Variants in TXNRD2 observed in about 807,000 individuals in gnomAD.
TXNRD2 encodes thioredoxin reductase 2, mitochondrial.
In TXNRD2, 67 loss-of-function variants were observed where a neutral mutation model predicts 70.8. The observed-to-expected ratio is 0.95, with a 90% CI of 0.78 to 1.16. TXNRD2 has a LOEUF of 1.16. Among genes scored for constraint, TXNRD2 ranks in the 50% most tolerant of loss-of-function variants. TXNRD2 has a pLI of 0.00. For synonymous variants in TXNRD2, 301 were observed against 295.8 expected (o/e 1.02, Z -0.18); for missense variants, 644 against 719.9 (o/e 0.89, Z 1.21).
chr22:19,918,931 T>G lies in TXNRD2; in HGVS notation c.303A>C (p.Ala101=), dbSNP rs200076623. 6.2e-7 allele frequency: 1 copy of G among 1,612,990 alleles called. No individual in the cohort carries two copies. The highest frequency in any genetic ancestry group is 8.5e-7 in the Non-Finnish European group (1 of 1,179,946). ...CATCTTGGATCAGGCCTCCCAGCAGTGCCGCCTGGTGCATCAGCTTCTTGG... is the reference window on the plus strand; with the variant it reads ...CATCTTGGATCAGGCCTCCCAGCAGGGCCGCCTGGTGCATCAGCTTCTTGG... ...CIPKKLMHQA[A]LLGGLIQDAP... Residue 101 remains alanine (A), a synonymous_variant, in exon 4 of 18, where the codon GCA becomes GCC. Coordinates refer to ENST00000400521, the MANE Select transcript of TXNRD2 (RefSeq NM_006440.5).
intron 1 of TXNRD2, chr22:19,932,471 C>T: frequency 6.3e-7 from 1 of 1,597,030 alleles, no homozygotes; most frequent in Non-Finnish European, 8.5e-7. Context: ...AGGCAAGGGG[C>T]AGCCAAAAAA....
intron 11 of TXNRD2, chr22:19,894,094 T>C (rs1432636485): frequency 2.0e-5 from 3 of 152,202 alleles, no homozygotes; most frequent in Non-Finnish European, 4.4e-5. Context: ...GCTACACAAA[T>C]GCTAACTCTA....
chr22:19,927,520 T>C, intron 2 of TXNRD2, among the ~76,000 whole-genome samples: 1 of 148,810 alleles, frequency 6.7e-6, no homozygotes, highest in East Asian at 2.0e-4. Context: ...TAGCTGGGCA[T>C]GGTGGCGCCT....
Position 19,880,232 on chromosome 22 carries a change from C to G in TXNRD2, c.1222G>C (p.Val408Leu). The G allele has an allele frequency of 6.2e-7, 1 of 1,613,838 alleles. No individual in the cohort carries two copies. The highest frequency in any genetic ancestry group is 8.5e-7 in the Non-Finnish European group (1 of 1,180,026). Residue 408 changes from valine (V) to leucine (L), a missense_variant, in exon 14 of 18, where the codon GTG becomes CTG. Physicochemically the swap from Val to Leu is conservative, Grantham distance 32 (BLOSUM62 1). Transcript: ENST00000400521. ...TVFTPLEYGC[V>L]GLSEEEAVAR... ...ACTGCCTCCTCCTCGGACAGCCCCA[C>G]ACAGCCATACTCCAGCGGGGTGAAG... is the stretch of plus-strand genomic sequence containing the variant.
At chr22:19,900,076 C>T (rs2145982197) in intron 8 of TXNRD2, among the ~76,000 whole-genome samples, 1 of 152,336 alleles carries the variant, frequency 6.6e-6, no homozygotes, top group South Asian at 2.1e-4. Context: ...CTGCAGGTGC[C>T]CTGCGGGAAG....
Position 19,895,444 on chromosome 22 carries a change from C to T in TXNRD2, c.912G>A (p.Glu304=), listed in dbSNP as rs751531927. 1.9e-6 allele frequency: 3 copies of T among 1,614,026 alleles called. No individual in the cohort carries two copies. The South Asian group carries it at 3.3e-5, about 18-fold the overall frequency. Residue 304 remains glutamate, a synonymous_variant, in exon 11 of 18, where the codon GAG becomes GAA. Coordinates refer to ENST00000400521, the MANE Select transcript of TXNRD2 (RefSeq NM_006440.5). ...VTWEDSTTGK[E]DTGTFDTVLW... Reference sequence around the variant, plus strand: ...GGACGGTGTCAAAGGTGCCCGTGTCCTCCTTGCCGGTGGTGCTGTCCTCCC... The same window carrying T: ...GGACGGTGTCAAAGGTGCCCGTGTCTTCCTTGCCGGTGGTGCTGTCCTCCC...
chr22:19,900,919 G>A (rs1364934970), intron 8 of TXNRD2, among the ~76,000 whole-genome samples: 2 of 152,228 alleles, frequency 1.3e-5, no homozygotes, highest in Non-Finnish European at 2.9e-5. Flanking sequence ...GATGCTTCCT[G>A]CTGGGCTGTG....
In TXNRD2 at chr22:19,915,221, G is replaced by T; in HGVS notation, c.584C>A (p.Pro195His). ...IIATGGRPRY[P>H]THIEGALEYG... The stretch of plus-strand genomic sequence containing the variant: ...TGCTCTGGGGACACTCACGTGCGTG[G>T]GGTATCTCGGCCGCCCTCCAGTAGC... The change falls in exon 7 of 18, where the codon CCC (proline) becomes CAC (histidine). Residue 195 changes from proline (P) to histidine (H), a missense_variant. Pro to His is a moderately conservative substitution (Grantham distance 77). Coordinates refer to ENST00000400521, the MANE Select transcript of TXNRD2 (RefSeq NM_006440.5). 1 of 1,613,824 alleles carries T rather than the reference G, an allele frequency of 6.2e-7. No homozygotes were observed. The highest frequency in any genetic ancestry group is 2.2e-5 in the East Asian group (1 of 44,872).
chr22:19,925,756 C>A (rs1247910064), intron 2 of TXNRD2, among the ~76,000 whole-genome samples: 1 of 151,870 alleles, frequency 6.6e-6, no homozygotes, highest in Non-Finnish European at 1.5e-5. Flanking sequence ...AGGTGTAAAT[C>A]TTTGTGATCT....
chr22:19,882,451 G>C (rs989158219), intron 12 of TXNRD2, among the ~76,000 whole-genome samples: 2 of 151,972 alleles, frequency 1.3e-5, no homozygotes, highest in African/African-American at 4.8e-5. Context: ...TGCCTGCCTC[G>C]GAGTCCCAAA....
chr22:19,889,461 A>C (rs1224705182), intron 11 of TXNRD2, among the ~76,000 whole-genome samples: 2 of 152,080 alleles, frequency 1.3e-5, no homozygotes, highest in African/African-American at 2.4e-5. Context: ...AAATACAAAA[A>C]TTAGCTGGGC....
At chr22:19,940,893 ACAGT>A (rs1941687918) in intron 1 of TXNRD2, among the ~76,000 whole-genome samples, 1 of 152,020 alleles carries the variant, frequency 6.6e-6, no homozygotes. Context: ...ATTCACACAC[ACAGT>A]CAGCCCTCCC....
intron 14 of TXNRD2, among the ~76,000 whole-genome samples, chr22:19,879,354 C>T (rs1365642030): frequency 6.6e-6 from 1 of 152,140 alleles, no homozygotes; most frequent in African/African-American, 2.4e-5. Flanking sequence ...AAGATGAAAC[C>T]GCACCGAAGG....
At chr22:19,926,849 A>C (rs966175848) in intron 2 of TXNRD2, among the ~76,000 whole-genome samples, 1 of 152,202 alleles carries the variant, frequency 6.6e-6, no homozygotes, top group African/African-American at 2.4e-5. Context: ...GGATATAGGA[A>C]GTAGATTAGT....
chr22:19,928,125 A>C (rs1941220797), intron 2 of TXNRD2, among the ~76,000 whole-genome samples: 1 of 151,942 alleles, frequency 6.6e-6, no homozygotes, highest in Admixed American at 6.6e-5. Context: ...AAAAAAAAAA[A>C]ACTTGAGTAA....
intron 1 of TXNRD2, among the ~76,000 whole-genome samples, chr22:19,937,597 C>T (rs1941574711): frequency 6.6e-6 from 1 of 152,182 alleles, no homozygotes. Flanking sequence ...ACCCACAGAG[C>T]TATTCTGTGG....
At chr22:19,898,242 G>A (rs1381820707) in intron 9 of TXNRD2, 112 bp from the exon 10 acceptor site, 1 of 1,028,690 alleles carries the variant, frequency 9.7e-7, no homozygotes, top group Non-Finnish European at 1.5e-6. Flanking sequence ...GCTGGCCCTG[G>A]AGGAGGCTCC....
rs147286097 is a variant in TXNRD2 at position 19,886,525 on chromosome 22, C to T, written c.950-3064G>A. 5.8e-3 allele frequency among the ~76,000 whole-genome samples: 884 copies of T among 152,376 alleles called. 12 individuals are homozygous for T. Among genetic ancestry groups the T allele is most frequent in the African/African-American group, 0.02 (823 of 41,592 alleles). On this transcript the variant is annotated intron_variant, in intron 11 of 17. Coordinates refer to ENST00000400521, the MANE Select transcript of TXNRD2 (RefSeq NM_006440.5). Reference sequence around the variant, plus strand: ...GCAGCAGGATGCAGGTGGCTGTGCCCAGTCAGCTCCCCACCATTTCCCTCC... The same window carrying T: ...GCAGCAGGATGCAGGTGGCTGTGCCTAGTCAGCTCCCCACCATTTCCCTCC...
chr22:19,918,893 C>T lies in TXNRD2; in HGVS notation c.341G>A (p.Gly114Asp). 1 of 1,612,222 alleles carries T rather than the reference C, an allele frequency of 6.2e-7. No individual in the cohort carries two copies. The highest frequency in any genetic ancestry group is 2.2e-5 in the East Asian group (1 of 44,818). The change falls in exon 4 of 18, where the codon GGC becomes GAC. Residue 114 changes from glycine (G) to aspartate (D), a missense_variant. Gly to Asp is a moderately conservative substitution (Grantham distance 94, BLOSUM62 -1). Coordinates refer to ENST00000400521, the MANE Select transcript of TXNRD2 (RefSeq NM_006440.5). ...CGGCACGGGCTGGGCCACCTCCCAG[C>T]CATAGTTGGGGGCATCTTGGATCAG... The part of the protein sequence containing the change: ...GGLIQDAPNY[G>D]WEVAQPVPHD...
Sources: allele counts gnomAD v4.1 joint callset (sites outside exome capture counted in the v4.1 genomes callset), GRCh38; gene constraint gnomAD v4.1.1; transcripts MANE v1.5; gene names NCBI Gene and HGNC (gene_info 2026-07-23, HGNC 2026-07-21).